Variants in MOCOS observed in about 807,000 individuals in gnomAD.
MOCOS encodes human molybdenum cofactor sulfurase.
MOCOS carries 86 observed loss-of-function variants against 83.6 expected under a neutral mutation model. That is an observed-to-expected ratio of 1.03 (90% CI 0.86 to 1.23). The LOEUF is 1.23. Among genes scored for constraint, MOCOS ranks in the 50% most tolerant of loss-of-function variants. The pLI, the probability that MOCOS is intolerant of heterozygous loss-of-function variation, is 0.00. For synonymous variants in MOCOS, 445 were observed against 434.7 expected (o/e 1.02, Z -0.29); for missense variants, 1,120 against 1,126.9 (o/e 0.99, Z 0.09).
At chr18:36,187,919 C>T (rs375898569) in intron 1 of MOCOS, among the ~76,000 whole-genome samples, 6 of 152,334 alleles carry the variant, frequency 3.9e-5, no homozygotes, top group African/African-American at 1.2e-4. Flanking sequence ...CCAACCTAGC[C>T]GTCTTCCCCT....
At chr18:36,228,675 T>C in intron 9 of MOCOS, among the ~76,000 whole-genome samples, 2 of 152,008 alleles carry the variant, frequency 1.3e-5, no homozygotes, top group East Asian at 3.9e-4. Context: ...CACTGAGACC[T>C]ACAGGAGGGT....
At chr18:36,251,129 A>G (rs772664932) in intron 10 of MOCOS, 30 bp from the exon 11 acceptor site, 4 of 1,600,302 alleles carry the variant, frequency 2.5e-6, no homozygotes, top group East Asian at 2.2e-5. Context: ...ACTATGTAAC[A>G]GTTCACTCTT....
At chr18:36,219,384 T>C (rs2091487370) in intron 8 of MOCOS, among the ~76,000 whole-genome samples, 1 of 151,978 alleles carries the variant, frequency 6.6e-6, no homozygotes, top group African/African-American at 2.4e-5. Flanking sequence ...AGGAAGGATA[T>C]ACAAGAGCAA....
intron 9 of MOCOS, among the ~76,000 whole-genome samples, chr18:36,240,466 C>T: frequency 6.7e-6 from 1 of 150,332 alleles, no homozygotes. Context: ...GGGTCAGGGA[C>T]CCACTTGAGG....
At position 36,187,563 on chromosome 18, in the gene MOCOS, A is replaced by G. The variant is rs1195976151; in HGVS notation, c.24A>G (p.Ser8=). Reference sequence around the variant, plus strand: ...CCATGGCCGGCGCGGCGGCGGAGTCAGGGCGGGAGCTGTGGACCTTCGCGG... The same window carrying G: ...CCATGGCCGGCGCGGCGGCGGAGTCGGGGCGGGAGCTGTGGACCTTCGCGG... The part of the protein sequence containing the change: MAGAAAE[S]GRELWTFAGS... Residue 8 remains serine (S), a synonymous_variant, in exon 1 of 15, where the codon TCA becomes TCG. Transcript: ENST00000261326. 1 of 1,242,562 alleles carries G rather than the reference A, an allele frequency of 8.0e-7. No individual in the cohort carries two copies. The highest frequency in any genetic ancestry group is 1.0e-6 in the Non-Finnish European group (1 of 993,162). The allele number at this position is 1,242,562 out of a possible 1,614,324, so 77.0% of individuals were successfully genotyped here.
intron 9 of MOCOS, among the ~76,000 whole-genome samples, chr18:36,230,530 G>A (rs1179351624): frequency 6.6e-6 from 1 of 152,198 alleles, no homozygotes; most frequent in Non-Finnish European, 1.5e-5. Context: ...AGGCAACTAT[G>A]TTTTCTATCT....
At chr18:36,193,996 C>T (rs1021057936) in intron 1 of MOCOS, among the ~76,000 whole-genome samples, 16 of 152,254 alleles carry the variant, frequency 1.1e-4, no homozygotes, top group African/African-American at 2.6e-4. Context: ...AAAATGTGGA[C>T]GTACCTTGAA....
intron 4 of MOCOS, 89 bp from the exon 5 acceptor site, chr18:36,203,024 C>T (rs1043959363): frequency 1.5e-6 from 2 of 1,305,152 alleles, no homozygotes; most frequent in Non-Finnish European, 1.1e-6. Context: ...ACAGCTAAGC[C>T]TAAAATCTAA....
At chr18:36,212,310 A>G (rs2091458363) in intron 6 of MOCOS, among the ~76,000 whole-genome samples, 1 of 152,164 alleles carries the variant, frequency 6.6e-6, no homozygotes, top group Non-Finnish European at 1.5e-5. Flanking sequence ...TTCACAGCAA[A>G]AGTAACTGGA....
rs540298333 is a variant in MOCOS, at chr18:36,236,002, T to C, written c.1961-12920T>C. On this transcript the variant is annotated intron_variant, in intron 9 of 14. Coordinates refer to ENST00000261326, the MANE Select transcript of MOCOS (RefSeq NM_017947.4). ...TGTTTGTTTTTTTCTTGTAAATTTG[T>C]TTGAGTTCATTGTAGATTCTGGATA... is the stretch of plus-strand genomic sequence containing the variant. Among the ~76,000 whole-genome samples the C allele has an allele frequency of 3.1e-3, 461 of 148,330 alleles. 3 individuals carry two copies. The highest frequency in any genetic ancestry group is 0.011 in the African/African-American group (426 of 40,360).
rs553432562 is a variant in MOCOS, at chr18:36,219,820, C to T, written c.1798-235C>T. ...GGCATTACCTACTTAAAACATGGCT[C>T]GAAGTGGAGAAGGGTGGAGTGTGGA... On this transcript the variant is annotated intron_variant, in intron 8 of 14. Transcript: ENST00000261326. 2.2e-4 allele frequency among the ~76,000 whole-genome samples: 33 copies of T among 152,322 alleles called. 2 individuals carry two copies. The South Asian group carries it at 5.0e-3, about 23-fold the overall frequency.
intron 9 of MOCOS, among the ~76,000 whole-genome samples, chr18:36,241,241 C>A (rs146220112): frequency 0.018 from 2,728 of 152,278 alleles, 95 homozygotes; most frequent in African/African-American, 0.063. Flanking sequence ...CAAGGCAAGT[C>A]CCTTCCACCT....
At chr18:36,192,437 A>G (rs1020982796) in intron 1 of MOCOS, among the ~76,000 whole-genome samples, 4 of 152,224 alleles carry the variant, frequency 2.6e-5, no homozygotes, top group African/African-American at 9.6e-5. Flanking sequence ...AACATCATTG[A>G]AAGAAATTAA....
chr18:36,256,818 G>A, intron 11 of MOCOS, 150 bp from the exon 12 acceptor site: 1 of 734,202 alleles, frequency 1.4e-6, no homozygotes, highest in Non-Finnish European at 2.5e-6. Context: ...TATGCACCAT[G>A]CTTAGGACAT....
In MOCOS at chr18:36,205,276, G is replaced by A; in HGVS notation, c.1218G>A (p.Gln406=). The A allele has an allele frequency of 6.2e-7, 1 of 1,613,222 alleles. No homozygotes were observed. Among genetic ancestry groups the A allele is most frequent in the Non-Finnish European group, 8.5e-7 (1 of 1,179,740 alleles). The change falls in exon 6 of 15, where the codon CAG becomes CAA. Residue 406 remains glutamine, a splice_region_variant and synonymous_variant. Coordinates refer to ENST00000261326, the MANE Select transcript of MOCOS (RefSeq NM_017947.4). The part of the protein sequence containing the change: ...DDKGNIIGYS[Q]VDKMASLYNI... ...AAGGGAACATCATTGGTTACTCCCAGGTGGGTTTTCTTTCCATCCTGCTGA... is the reference window on the plus strand; with the variant it reads ...AAGGGAACATCATTGGTTACTCCCAAGTGGGTTTTCTTTCCATCCTGCTGA...
intron 12 of MOCOS, among the ~76,000 whole-genome samples, chr18:36,259,560 A>T (rs1295804526): frequency 6.6e-6 from 1 of 152,098 alleles, no homozygotes. Flanking sequence ...ACCCAAAAAA[A>T]AAAAAAAGAG....
chr18:36,260,598 C>T (rs967137354), intron 13 of MOCOS, among the ~76,000 whole-genome samples: 2 of 152,256 alleles, frequency 1.3e-5, no homozygotes, highest in Non-Finnish European at 2.9e-5. Flanking sequence ...CTCTTCCACA[C>T]GCTTCACCTT....
At chr18:36,187,813 C>G in intron 1 of MOCOS, 132 bp downstream of exon 1, 1 of 1,019,348 alleles carries the variant, frequency 9.8e-7, no homozygotes, top group Non-Finnish European at 1.3e-6. Context: ...GGGACGTGTC[C>G]ACGCGTCCTC....
At chr18:36,232,056 T>C (rs113341008) in intron 9 of MOCOS, among the ~76,000 whole-genome samples, 3,440 of 152,268 alleles carry the variant, frequency 0.023, 131 homozygotes, top group African/African-American at 0.078. Context: ...AACCTCCATC[T>C]CCTGGGCTCA....
Sources: gnomAD v4.1 joint callset for allele counts (sites outside exome capture counted in the v4.1 genomes callset) on GRCh38, gnomAD v4.1.1 for gene constraint, MANE v1.5 for transcripts, NCBI Gene and HGNC (gene_info 2026-07-23, HGNC 2026-07-21) for gene names.